The following EFCAB6 variants were observed in gnomAD, a reference collection of about 807,000 sequenced individuals.
EFCAB6 encodes the protein EF-hand calcium binding domain 6, also known as EF-hand calcium-binding domain-containing protein 6.
EFCAB6 carries 156 observed loss-of-function variants against 169.8 expected under a neutral mutation model. The observed-to-expected ratio is 0.92, with a 90% CI of 0.81 to 1.05. EFCAB6 has a LOEUF of 1.05. Among genes scored for constraint, EFCAB6 ranks in the 50% least tolerant of loss-of-function variants. The pLI is 0.00. For synonymous variants in EFCAB6, 698 were observed against 676.4 expected (o/e 1.03, Z -0.50); for missense variants, 1,800 against 1,829.1 (o/e 0.98, Z 0.29).
chr22:43,590,208 A>G lies in EFCAB6; in HGVS notation c.2898T>C (p.His966=). The change falls in exon 24 of 32, where the codon CAT becomes CAC. Residue 966 remains histidine, a synonymous_variant. Transcript: ENST00000262726. Reference sequence around the variant, plus strand: ...TGGTGAATGCTTTGCTGATATCTTGATGGCGGTCCATAAGCTTATCCCTGA... The same window carrying G: ...TGGTGAATGCTTTGCTGATATCTTGGTGGCGGTCCATAAGCTTATCCCTGA... ...VAARDKLMDR[H]QDISKAFTKT... 1 of 1,613,910 alleles carries G rather than the reference A, an allele frequency of 6.2e-7. No homozygotes were observed. Among genetic ancestry groups the G allele is most frequent in the Non-Finnish European group, 8.5e-7 (1 of 1,179,934 alleles).
At chr22:43,770,353 T>C (rs1286846179) in intron 4 of EFCAB6, among the ~76,000 whole-genome samples, 4 of 152,016 alleles carry the variant, frequency 2.6e-5, no homozygotes, top group Non-Finnish European at 5.9e-5. Flanking sequence ...CCAAACATAC[T>C]CAAATATGAA....
intron 17 of EFCAB6, among the ~76,000 whole-genome samples, chr22:43,646,210 C>T (rs898539211): frequency 4.6e-5 from 7 of 152,164 alleles, no homozygotes; most frequent in Non-Finnish European, 7.3e-5. Context: ...CAGGAAAAGC[C>T]GATGCTAAGC....
chr22:43,594,983 A>G (rs1344811271), intron 23 of EFCAB6, among the ~76,000 whole-genome samples: 2 of 152,210 alleles, frequency 1.3e-5, no homozygotes, highest in African/African-American at 4.8e-5. Context: ...AACTTTGGAA[A>G]CTGTACAAAT....
intron 5 of EFCAB6, among the ~76,000 whole-genome samples, chr22:43,763,077 C>T (rs1321522482): frequency 6.6e-6 from 1 of 152,074 alleles, no homozygotes; most frequent in Non-Finnish European, 1.5e-5. Context: ...CTCACTCTGT[C>T]ACCCAGGCTG....
intron 19 of EFCAB6, among the ~76,000 whole-genome samples, chr22:43,631,395 C>T (rs974946776): frequency 2.6e-5 from 4 of 151,958 alleles, no homozygotes; most frequent in East Asian, 1.9e-4. Context: ...AACTTGCACG[C>T]GCCACGCACA....
At chr22:43,700,008 T>G (rs2058710231) in intron 10 of EFCAB6, among the ~76,000 whole-genome samples, 1 of 152,202 alleles carries the variant, frequency 6.6e-6, no homozygotes, top group Non-Finnish European at 1.5e-5. Flanking sequence ...TCTCAACTCT[T>G]CCTTAAACCT....
In EFCAB6 at chr22:43,795,607, C is replaced by A. The variant is rs2062476343; in HGVS notation, c.-7-13282G>T. 6.6e-6 allele frequency among the ~76,000 whole-genome samples: 1 copy of A among 152,116 alleles called. No individual in the cohort carries two copies. Reference sequence around the variant, plus strand: ...CTTCCTTGCAGAGTCTCTCACACAGCCTGCACTTCTCCGGCACTGTACATA... The same window carrying A: ...CTTCCTTGCAGAGTCTCTCACACAGACTGCACTTCTCCGGCACTGTACATA... On this transcript the variant is annotated intron_variant, in intron 2 of 31. Coordinates refer to ENST00000262726, the MANE Select transcript of EFCAB6 (RefSeq NM_022785.4). The surrounding 1 kb of genome is among the most constrained non-coding windows in gnomAD (Gnocchi z 4.2).
intron 27 of EFCAB6, chr22:43,554,004 G>GCAC (rs2048542209): frequency 6.5e-6 from 1 of 153,466 alleles, no homozygotes; most frequent in African/African-American, 2.4e-5. Flanking sequence ...GCCAGCAGCA[G>GCAC]CACCAGGTAG....
intron 3 of EFCAB6, among the ~76,000 whole-genome samples, chr22:43,774,906 A>G (rs879582588): frequency 2.6e-5 from 4 of 151,948 alleles, no homozygotes; most frequent in Non-Finnish European, 5.9e-5. Context: ...TGGGACTGTC[A>G]TCAAAAGAAC....
intron 26 of EFCAB6, among the ~76,000 whole-genome samples, chr22:43,574,482 G>C (rs1054050650): frequency 6.6e-6 from 1 of 152,138 alleles, no homozygotes; most frequent in Non-Finnish European, 1.5e-5. Flanking sequence ...GAAATCGCAG[G>C]TGAAGGGCCC....
At chr22:43,733,288 C>A (rs1603295726) in intron 7 of EFCAB6, among the ~76,000 whole-genome samples, 1 of 152,218 alleles carries the variant, frequency 6.6e-6, no homozygotes, top group South Asian at 2.1e-4. Flanking sequence ...TCCAGCGTCA[C>A]CACCTGGAAC....
At chr22:43,731,494 A>G (rs2059945347) in intron 8 of EFCAB6, among the ~76,000 whole-genome samples, 1 of 152,210 alleles carries the variant, frequency 6.6e-6, no homozygotes, top group Non-Finnish European at 1.5e-5. Context: ...TGTAGATTTT[A>G]CCACATGGCT....
rs374820974 is a variant in EFCAB6, at chr22:43,798,166, A to T, written c.-8+10829T>A. 2.1e-4 allele frequency among the ~76,000 whole-genome samples: 32 copies of T among 152,070 alleles called. 1 individual carries two copies. In the East Asian group the frequency reaches 2.1e-3, roughly 10 times the overall value. On this transcript the variant is annotated intron_variant, in intron 2 of 31. Coordinates refer to ENST00000262726, the MANE Select transcript of EFCAB6 (RefSeq NM_022785.4). ...TTCGGGAGGCCAAGACAGGTGAATC[A>T]CAAGGTCAGGAGTTCAAGACCAGCC...
At chr22:43,623,739 C>CAAAAAAAAAA (rs137720) in intron 20 of EFCAB6, among the ~76,000 whole-genome samples, 4 of 95,226 alleles carry the variant, frequency 4.2e-5, no homozygotes, top group Non-Finnish European at 4.1e-5. Flanking sequence ...ACTAAAAATA[C>CAAAAAAAAAA]AAAAAAAAAA....
rs1204756241 is a variant in EFCAB6, at chr22:43,628,974, GC to G, written c.2233-2296del. Among the ~76,000 whole-genome samples, 2 of 152,208 alleles carry G rather than the reference GC, an allele frequency of 1.3e-5. No homozygotes were observed. Among genetic ancestry groups the G allele is most frequent in the African/African-American group, 4.8e-5 (2 of 41,450 alleles). ...TGGGGCTGCTGGACATGAAGGAGCAGCATTTCCTAGGCACAAAGCACTCTGC... is the reference window on the plus strand; with the variant it reads ...TGGGGCTGCTGGACATGAAGGAGCAGATTTCCTAGGCACAAAGCACTCTGC... On this transcript the variant is annotated intron_variant, in intron 19 of 31. Transcript: ENST00000262726. The surrounding 1 kb of genome is among the most constrained non-coding windows in gnomAD (Gnocchi z 4.8).
intron 26 of EFCAB6, among the ~76,000 whole-genome samples, chr22:43,567,962 C>T (rs757626787): frequency 2.0e-5 from 3 of 152,232 alleles, no homozygotes; most frequent in Non-Finnish European, 4.4e-5. Context: ...TGTGCAAGAA[C>T]ACAGAAGCCT....
chr22:43,771,387 G>A (rs567351000), intron 4 of EFCAB6, among the ~76,000 whole-genome samples: 13 of 152,034 alleles, frequency 8.6e-5, no homozygotes, highest in Admixed American at 5.9e-4. Flanking sequence ...CCAAGATAGC[G>A]CCACTGCACT....
At chr22:43,758,569 T>C (rs2061040629) in intron 5 of EFCAB6, among the ~76,000 whole-genome samples, 1 of 152,202 alleles carries the variant, frequency 6.6e-6, no homozygotes, top group Non-Finnish European at 1.5e-5. Context: ...GTTTTAACTC[T>C]AAACTTTTTA....
intron 9 of EFCAB6, 37 bp downstream of exon 9, chr22:43,716,811 A>C (rs2059346374): frequency 6.3e-7 from 1 of 1,580,838 alleles, no homozygotes; most frequent in African/African-American, 1.4e-5. Flanking sequence ...TGCTGTGTTT[A>C]CTCTGTAGGT....
Sources: allele counts gnomAD v4.1 joint callset (sites outside exome capture counted in the v4.1 genomes callset), GRCh38; gene constraint gnomAD v4.1.1; non-coding constraint Gnocchi (gnomAD v3.1); transcripts MANE v1.5; gene names NCBI Gene and HGNC (gene_info 2026-07-23, HGNC 2026-07-21).